The following WDTC1 variants were observed in gnomAD, a reference collection of about 807,000 sequenced individuals.
WDTC1 encodes WD and tetratricopeptide repeats protein 1.
A neutral mutation model predicts 76.0 loss-of-function variants in WDTC1; 12 were observed. The observed-to-expected ratio is 0.16, with a 90% CI of 0.10 to 0.26. WDTC1 has a LOEUF of 0.26. Among genes scored for constraint, WDTC1 ranks in the 10% least tolerant of loss-of-function variants. The pLI is 1.00. For missense variants in WDTC1, 511 were observed against 908.8 expected (o/e 0.56, Z 5.63); for synonymous variants, 326 against 350.8 (o/e 0.93, Z 0.79).
chr1:27,308,087 G>C lies in WDTC1; in HGVS notation c.*1704G>C, dbSNP rs1392704931. The C allele has an allele frequency of 7.4e-6, 1 of 134,496 alleles. No individual in the cohort carries two copies. The highest frequency in any genetic ancestry group is 7.2e-5 in the Admixed American group (1 of 13,852). The allele number at this position is 134,496 out of a possible 1,614,324, so 8.3% of individuals were successfully genotyped here. A position where few individuals can be genotyped will look rare whatever the true frequency, so the allele number is the denominator to read the frequency against. On this transcript the variant is annotated 3_prime_UTR_variant, in exon 16 of 16. Transcript: ENST00000319394. ...CTCCCACCCTCCCTCCCTGCCCCCT[G>C]TCCTGCTTCCCACCCCCTGCCTGCC... is the stretch of plus-strand genomic sequence containing the variant.
intron 3 of WDTC1, among the ~76,000 whole-genome samples, chr1:27,263,751 T>C (rs766538216): frequency 6.6e-6 from 1 of 152,166 alleles, no homozygotes; most frequent in Non-Finnish European, 1.5e-5. Context: ...TTTGGACATA[T>C]TATTTGCTTT....
In WDTC1 at chr1:27,261,003, G is replaced by C. The variant is rs890246719; in HGVS notation, c.-52G>C. Reference sequence around the variant, plus strand: ...GACCTGGGCTTGGCTGGAATGCTCAGGGGTCCTGAAGATCCTATTATAGCT... The same window carrying C: ...GACCTGGGCTTGGCTGGAATGCTCACGGGTCCTGAAGATCCTATTATAGCT... On this transcript the variant is annotated 5_prime_UTR_variant, in exon 2 of 16. Transcript: ENST00000319394. 7 of 1,602,274 alleles carry C rather than the reference G, an allele frequency of 4.4e-6. No individual in the cohort carries two copies. In the African/African-American group the frequency reaches 8.0e-5, roughly 18 times the overall value.
intron 3 of WDTC1, among the ~76,000 whole-genome samples, chr1:27,271,542 G>A (rs562077135): frequency 4.6e-5 from 7 of 152,102 alleles, no homozygotes; most frequent in African/African-American, 9.6e-5. Flanking sequence ...GAGACTTTAC[G>A]TTTTCAAAAA....
chr1:27,247,679 C>T (rs1485430410), intron 1 of WDTC1, among the ~76,000 whole-genome samples: 1 of 150,772 alleles, frequency 6.6e-6, no homozygotes, highest in Non-Finnish European at 1.5e-5. Context: ...GCTGCATGGT[C>T]ATTCCATGGT....
intron 5 of WDTC1, among the ~76,000 whole-genome samples, chr1:27,285,692 C>T (rs1350215442): frequency 1.3e-5 from 2 of 150,820 alleles, no homozygotes; most frequent in African/African-American, 4.9e-5. Context: ...GATCTCGGCT[C>T]ACCGCTGCCT....
rs752481111 is a variant in WDTC1, at chr1:27,303,674, C to T, written c.1522C>T (p.Arg508Cys). ...GAPVRLRSTS[R>C]KDSISEDEMV... ...CCCAGTCCGCCTCCGCAGCACGAGCCGCAAGGACTCCATCTCAGAGGATGA... is the reference window on the plus strand; with the variant it reads ...CCCAGTCCGCCTCCGCAGCACGAGCTGCAAGGACTCCATCTCAGAGGATGA... Residue 508 changes from arginine to cysteine, a missense_variant, in exon 14 of 16, where the codon CGC becomes TGC. Arg to Cys is a radical substitution (Grantham distance 180). Coordinates refer to ENST00000319394, the MANE Select transcript of WDTC1 (RefSeq NM_001276252.2). This position sits in a 1 kb window ranked among gnomAD's most constrained non-coding sequence, Gnocchi z 4.8. 1.4e-5 allele frequency: 22 copies of T among 1,612,612 alleles called. No homozygotes were observed. The highest frequency in any genetic ancestry group is 2.7e-5 in the African/African-American group (2 of 74,832).
At chr1:27,290,185 G>A (rs2013495095) in intron 6 of WDTC1, among the ~76,000 whole-genome samples, 1 of 152,082 alleles carries the variant, frequency 6.6e-6, no homozygotes. Context: ...GGGCTCAGGC[G>A]ATTCTCCCAC....
chr1:27,303,597 C>T lies in WDTC1; in HGVS notation c.1469-24C>T. 1.3e-6 allele frequency: 2 copies of T among 1,568,688 alleles called. No individual in the cohort carries two copies. The highest frequency in any genetic ancestry group is 1.7e-6 in the Non-Finnish European group (2 of 1,163,586). On this transcript the variant is annotated intron_variant, in intron 13 of 15. Transcript: ENST00000319394. The surrounding 1 kb of genome is among the most constrained non-coding windows in gnomAD (Gnocchi z 4.8). ...AGGAGAGAAAGGAACAAGGCGCTTA[C>T]CTTTTCTGGATCTCTGCCCCCAGAG...
At chr1:27,260,929 C>A in intron 1 of WDTC1, 27 bp from the exon 2 acceptor site, 1 of 1,103,436 alleles carries the variant, frequency 9.1e-7, no homozygotes, top group Non-Finnish European at 1.3e-6. Context: ...ATCCATCCTC[C>A]AAAGTTTGAT....
At chr1:27,272,551 AGTCAATGTT>A (rs1286593722) in intron 3 of WDTC1, among the ~76,000 whole-genome samples, 1 of 152,256 alleles carries the variant, frequency 6.6e-6, no homozygotes, top group Non-Finnish European at 1.5e-5. Context: ...TGAATAAAGA[AGTCAATGTT>A]GTTGGGAGCC....
Position 27,296,251 on chromosome 1 carries a change from C to A in WDTC1, c.874-75C>A, listed in dbSNP as rs146631636. Reference sequence around the variant, plus strand: ...TCCAAGACTCTAGTTCTTGAGAAACCAAGACCTGCTTACTGGTTCAACCAC... The same window carrying A: ...TCCAAGACTCTAGTTCTTGAGAAACAAAGACCTGCTTACTGGTTCAACCAC... On this transcript the variant is annotated intron_variant, in intron 9 of 15. Coordinates refer to ENST00000319394, the MANE Select transcript of WDTC1 (RefSeq NM_001276252.2). 9.3e-5 allele frequency: 145 copies of A among 1,564,516 alleles called. No individual in the cohort carries two copies. The Middle Eastern group carries it at 1.2e-3, about 13-fold the overall frequency.
intron 6 of WDTC1, among the ~76,000 whole-genome samples, chr1:27,289,761 TC>T (rs1361090762): frequency 2.8e-4 from 43 of 151,990 alleles, no homozygotes; most frequent in African/African-American, 1.0e-3. Flanking sequence ...GGCTGGCGGA[TC>T]ACTCGCGGTT....
chr1:27,296,638 G>A (rs899337215), intron 10 of WDTC1, among the ~76,000 whole-genome samples: 5 of 152,104 alleles, frequency 3.3e-5, no homozygotes, highest in African/African-American at 1.2e-4. Context: ...TCCTTCCATG[G>A]CTTGGCTCTT....
At chr1:27,237,476 G>T (rs2011514491) in intron 1 of WDTC1, among the ~76,000 whole-genome samples, 1 of 152,062 alleles carries the variant, frequency 6.6e-6, no homozygotes, top group African/African-American at 2.4e-5. Flanking sequence ...ATTGCAGATT[G>T]CTGGGCCCAC....
At chr1:27,247,158 G>A (rs886826113) in intron 1 of WDTC1, among the ~76,000 whole-genome samples, 2 of 151,924 alleles carry the variant, frequency 1.3e-5, no homozygotes, top group Non-Finnish European at 2.9e-5. Flanking sequence ...CTGGGTTTAA[G>A]CGATTCTCCT....
intron 1 of WDTC1, among the ~76,000 whole-genome samples, chr1:27,249,765 C>T (rs370451974): frequency 3.3e-5 from 5 of 151,900 alleles, no homozygotes; most frequent in African/African-American, 4.8e-5. Context: ...TTTGTAGAGA[C>T]GGGATTTTGC....
At chr1:27,265,740 G>A (rs150814644) in intron 3 of WDTC1, among the ~76,000 whole-genome samples, 2,332 of 152,176 alleles carry the variant, frequency 0.015, 24 homozygotes, top group Non-Finnish European at 0.023. Flanking sequence ...GAGGTCAGGA[G>A]TTTGAGACCA....
Position 27,306,165 on chromosome 1 carries a change from T to TC in WDTC1, c.1837-20dup, listed in dbSNP as rs1209132287. 6.2e-7 allele frequency: 1 copy of TC among 1,613,800 alleles called. No individual in the cohort carries two copies. Among genetic ancestry groups the TC allele is most frequent in the African/African-American group, 1.3e-5 (1 of 74,976 alleles). The stretch of plus-strand genomic sequence containing the variant: ...TCTCCCTCCCTGAGCCCCACGTGTG[T>TC]CACCCCTTTCTCCACCACAGAGTGA... On this transcript the variant is annotated intron_variant, in intron 15 of 15. Transcript: ENST00000319394. The surrounding 1 kb of genome is among the most constrained non-coding windows in gnomAD (Gnocchi z 5.0).
At chr1:27,237,884 A>C (rs1043376225) in intron 1 of WDTC1, among the ~76,000 whole-genome samples, 13 of 151,688 alleles carry the variant, frequency 8.6e-5, no homozygotes, top group African/African-American at 2.9e-4. Flanking sequence ...AAGAAAAGAA[A>C]AGAAAAAAAA....
Sources: gnomAD v4.1 joint callset for allele counts (sites outside exome capture counted in the v4.1 genomes callset) on GRCh38, gnomAD v4.1.1 for gene constraint, Gnocchi (gnomAD v3.1) non-coding constraint, MANE v1.5 for transcripts, NCBI Gene and HGNC (gene_info 2026-07-23, HGNC 2026-07-21) for gene names.